KCNQ3: variants seen among roughly 807,000 people sequenced by gnomAD.
KCNQ3 encodes the protein potassium voltage-gated channel subfamily KQT member 3.
A neutral mutation model predicts 92.5 loss-of-function variants in KCNQ3; 30 were observed. The observed-to-expected ratio is 0.32, with a 90% CI of 0.24 to 0.44. The LOEUF is 0.44. Among genes scored for constraint, KCNQ3 ranks in the 20% least tolerant of loss-of-function variants. The pLI is 1.00. For synonymous variants in KCNQ3, 450 were observed against 468.8 expected (o/e 0.96, Z 0.52); for missense variants, 913 against 1,140.3 (o/e 0.80, Z 2.87).
intron 9 of KCNQ3, among the ~76,000 whole-genome samples, chr8:132,152,661 A>G (rs893052037): frequency 6.6e-6 from 1 of 151,614 alleles, no homozygotes; most frequent in African/African-American, 2.4e-5. Flanking sequence ...CTTTGCCTAC[A>G]CAGTCCCTGT....
chr8:132,424,133 G>A (rs2597328), intron 1 of KCNQ3, among the ~76,000 whole-genome samples: 36,153 of 139,256 alleles, frequency 0.26, 4,429 homozygotes, highest in East Asian at 0.28. Context: ...CCCTCCCCCC[G>A]CCACATAGCT....
At chr8:132,224,120 A>G (rs551039236) in intron 1 of KCNQ3, among the ~76,000 whole-genome samples, 1 of 57,806 alleles carries the variant, frequency 1.7e-5, no homozygotes, top group African/African-American at 5.0e-5. Flanking sequence ...GCTTTTGGAG[A>G]GACAGGGTGT....
At chr8:132,303,403 C>T (rs1401884922) in intron 1 of KCNQ3, among the ~76,000 whole-genome samples, 1 of 150,362 alleles carries the variant, frequency 6.7e-6, no homozygotes, top group Admixed American at 6.6e-5. Context: ...ACATATTTAC[C>T]AAATGTTACG....
rs576266805 is a variant in KCNQ3, at chr8:132,362,675, A to G, written c.386+117472T>C. On this transcript the variant is annotated intron_variant, in intron 1 of 14. Transcript: ENST00000388996. ...GAAAGTGGAACATTTGAGCCAGGCT[A>G]TGAAGGGGACACAGGATTAACCAGG... 1.4e-4 allele frequency among the ~76,000 whole-genome samples: 21 copies of G among 152,326 alleles called. 1 individual carries two copies. The South Asian group carries it at 4.3e-3, about 32-fold the overall frequency.
At chr8:132,435,484 G>A (rs1267640386) in intron 1 of KCNQ3, among the ~76,000 whole-genome samples, 1 of 152,108 alleles carries the variant, frequency 6.6e-6, no homozygotes, top group Non-Finnish European at 1.5e-5. Context: ...CCATCTGTGC[G>A]ACCTTAACCT....
intron 5 of KCNQ3, among the ~76,000 whole-genome samples, chr8:132,174,841 A>G (rs1200086787): frequency 1.3e-5 from 2 of 152,234 alleles, no homozygotes; most frequent in South Asian, 2.1e-4. Flanking sequence ...GGATTATCAG[A>G]GCAGTTGACA....
At chr8:132,163,733 T>G (rs1563781281) in intron 8 of KCNQ3, among the ~76,000 whole-genome samples, 1 of 152,192 alleles carries the variant, frequency 6.6e-6, no homozygotes, top group African/African-American at 2.4e-5. Context: ...AGTCATTCAT[T>G]CATTTATTCA....
intron 1 of KCNQ3, among the ~76,000 whole-genome samples, chr8:132,454,959 T>TTCA (rs1357402346): frequency 6.6e-6 from 1 of 152,158 alleles, no homozygotes; most frequent in African/African-American, 2.4e-5. Flanking sequence ...ATAAGAGGTA[T>TTCA]TTAGAGGTGT....
intron 9 of KCNQ3, among the ~76,000 whole-genome samples, chr8:132,141,535 T>A (rs781531089): frequency 6.6e-6 from 1 of 152,174 alleles, no homozygotes; most frequent in Non-Finnish European, 1.5e-5. Flanking sequence ...TCTTATACCC[T>A]GGGCAAGACT....
intron 1 of KCNQ3, among the ~76,000 whole-genome samples, chr8:132,463,481 G>A (rs1010143510): frequency 2.6e-5 from 4 of 152,198 alleles, no homozygotes; most frequent in Non-Finnish European, 4.4e-5. Context: ...CAAGTGAACC[G>A]AAAACTCTCT....
At chr8:132,178,422 T>C (rs1284379729) in intron 4 of KCNQ3, among the ~76,000 whole-genome samples, 1 of 152,238 alleles carries the variant, frequency 6.6e-6, no homozygotes, top group East Asian at 1.9e-4. Flanking sequence ...TCTATGCTTA[T>C]GTGTATGGTA....
At chr8:132,459,502 TCTCACGGGAA>T (rs1010046455) in intron 1 of KCNQ3, among the ~76,000 whole-genome samples, 2 of 152,008 alleles carry the variant, frequency 1.3e-5, no homozygotes, top group Admixed American at 1.3e-4. Context: ...AACAACCAGC[TCTCACGGGAA>T]CTAATAAGAA....
chr8:132,129,583 C>G lies in KCNQ3; in HGVS notation c.2298G>C (p.Leu766=), dbSNP rs752643910. The change falls in exon 15 of 15, where the codon CTG becomes CTC. Residue 766 remains leucine, a synonymous_variant. Transcript: ENST00000388996. This position sits in a 1 kb window ranked among gnomAD's most constrained non-coding sequence, Gnocchi z 5.9. ...SRVSCHSQAD[L]QGPYSDRISP... is the part of the protein sequence containing the mutation. Reference sequence around the variant, plus strand: ...AGATTCGGTCCGAGTAGGGGCCCTGCAGGTCAGCCTGGGAGTGGCAGCTCA... The same window carrying G: ...AGATTCGGTCCGAGTAGGGGCCCTGGAGGTCAGCCTGGGAGTGGCAGCTCA... The G allele has an allele frequency of 3.7e-6, 6 of 1,614,186 alleles. No individual in the cohort carries two copies. The highest frequency in any genetic ancestry group is 5.1e-6 in the Non-Finnish European group (6 of 1,180,034).
chr8:132,205,136 C>T (rs1261899110), intron 1 of KCNQ3, among the ~76,000 whole-genome samples: 1 of 152,150 alleles, frequency 6.6e-6, no homozygotes, highest in Non-Finnish European at 1.5e-5. Flanking sequence ...TCATAGGACA[C>T]ATTGTATCTG....
intron 1 of KCNQ3, among the ~76,000 whole-genome samples, chr8:132,392,889 T>C (rs1423880170): frequency 6.6e-6 from 1 of 151,816 alleles, no homozygotes; most frequent in African/African-American, 2.4e-5. Context: ...GCACTTTTCA[T>C]CTTATATCTT....
chr8:132,397,825 T>C (rs1407764092), intron 1 of KCNQ3, among the ~76,000 whole-genome samples: 3 of 152,228 alleles, frequency 2.0e-5, no homozygotes, highest in African/African-American at 7.2e-5. Context: ...CACTTCAAGT[T>C]CAGGAATTTG....
chr8:132,332,205 G>T (rs1005578050), intron 1 of KCNQ3, among the ~76,000 whole-genome samples: 1 of 152,198 alleles, frequency 6.6e-6, no homozygotes, highest in South Asian at 2.1e-4. Flanking sequence ...TGCCTGTGGG[G>T]AGGGACCAGA....
chr8:132,383,036 T>A (rs531720335), intron 1 of KCNQ3, among the ~76,000 whole-genome samples: 2 of 152,184 alleles, frequency 1.3e-5, no homozygotes. Flanking sequence ...AAGTACCTAA[T>A]TCTTCCTAAA....
chr8:132,271,685 A>C (rs1447067696), intron 1 of KCNQ3, among the ~76,000 whole-genome samples: 2 of 152,206 alleles, frequency 1.3e-5, no homozygotes, highest in Non-Finnish European at 2.9e-5. Flanking sequence ...TGACAGTGAA[A>C]GTATTCTGTA....
Sources: gnomAD v4.1 joint callset for allele counts (sites outside exome capture counted in the v4.1 genomes callset) on GRCh38, gnomAD v4.1.1 for gene constraint, Gnocchi (gnomAD v3.1) non-coding constraint, MANE v1.5 for transcripts, NCBI Gene and HGNC (gene_info 2026-07-23, HGNC 2026-07-21) for gene names.